Variants in CCDC186 observed in about 807,000 individuals in gnomAD.
CCDC186 encodes coiled-coil domain containing 186.
In CCDC186, 49 loss-of-function variants were observed where a neutral mutation model predicts 113.7. That is an observed-to-expected ratio of 0.43 (90% CI 0.34 to 0.55). The LOEUF (loss-of-function observed/expected upper bound fraction) is 0.55. Ranked by LOEUF, CCDC186 falls within the 20% of genes least tolerant of loss-of-function variation. The pLI is 0.02. For missense variants in CCDC186, 890 were observed against 1,011.1 expected, an observed-to-expected ratio of 0.88 and a Z score of 1.62; for synonymous variants, 355 against 345.8, an observed-to-expected ratio of 1.03 and a Z score of -0.30.
intron 3 of CCDC186, among the ~76,000 whole-genome samples, chr10:114,152,052 C>T (rs947906639): frequency 2.6e-5 from 4 of 152,084 alleles, no homozygotes; most frequent in African/African-American, 7.2e-5. Flanking sequence ...TTTGTTAAGA[C>T]GGGAAAGGAG....
intron 4 of CCDC186, among the ~76,000 whole-genome samples, chr10:114,148,626 T>C (rs1040820743): frequency 1.3e-5 from 2 of 152,218 alleles, no homozygotes; most frequent in Non-Finnish European, 2.9e-5. Flanking sequence ...TAATATATAG[T>C]TGAGCTCACA....
chr10:114,130,072 A>G (rs1227922682), intron 12 of CCDC186, 101 bp from the exon 13 acceptor site: 1 of 1,003,494 alleles, frequency 1.0e-6, no homozygotes, highest in Non-Finnish European at 1.5e-6. Context: ...AATGGCATAG[A>G]CAAGAGAAAG....
Position 114,151,139 on chromosome 10 carries a change from T to G in CCDC186, c.841A>C (p.Asn281His), listed in dbSNP as rs753812416. 18 of 1,613,938 alleles carry G rather than the reference T, an allele frequency of 1.1e-5. No homozygotes were observed. The highest frequency in any genetic ancestry group is 1.5e-5 in the Non-Finnish European group (18 of 1,179,874). Reference sequence around the variant, plus strand: ...TCTTTGTGTAACTGCTGAACTGCATTTTTAGCTGTAACGTCTTGAGCTATT... The same window carrying G: ...TCTTTGTGTAACTGCTGAACTGCATGTTTAGCTGTAACGTCTTGAGCTATT... ...QLIAQDVTAK[N>H]AVQQLHKEMA... The change falls in exon 4 of 16, where the codon AAT becomes CAT. Residue 281 changes from asparagine to histidine, a missense_variant. Transcript: ENST00000369287.
At chr10:114,144,702 A>G in intron 5 of CCDC186, 86 bp from the exon 6 acceptor site, 1 of 1,205,592 alleles carries the variant, frequency 8.3e-7, no homozygotes, top group Admixed American at 2.5e-5. Flanking sequence ...TAATCAGTCC[A>G]GTAACACTAT....
intron 14 of CCDC186, 34 bp from the exon 15 acceptor site, chr10:114,126,139 T>C (rs2030893198): frequency 2.6e-6 from 4 of 1,550,904 alleles, no homozygotes; most frequent in Admixed American, 1.8e-5. Context: ...AGTTGTGTAC[T>C]TGTAGAATTA....
At chr10:114,126,839 T>C (rs1010927848) in intron 14 of CCDC186, among the ~76,000 whole-genome samples, 3 of 152,238 alleles carry the variant, frequency 2.0e-5, no homozygotes, top group African/African-American at 7.2e-5. Context: ...AAAAAAACTT[T>C]TATTTACATA....
At chr10:114,167,629 G>A (rs2032374276) in intron 1 of CCDC186, among the ~76,000 whole-genome samples, 1 of 151,718 alleles carries the variant, frequency 6.6e-6, no homozygotes, top group Non-Finnish European at 1.5e-5. Flanking sequence ...GACTAAAGGG[G>A]AAGGATGTAA....
At chr10:114,125,432 A>C (rs2030865674) in intron 15 of CCDC186, among the ~76,000 whole-genome samples, 1 of 152,204 alleles carries the variant, frequency 6.6e-6, no homozygotes, top group Non-Finnish European at 1.5e-5. Context: ...CTTTCTACTG[A>C]AGCTACAGCA....
At chr10:114,127,435 G>C (rs959777721) in intron 14 of CCDC186, 26 bp downstream of exon 14, 2 of 1,596,518 alleles carry the variant, frequency 1.3e-6, no homozygotes, top group South Asian at 1.1e-5. Context: ...TTTGAAGACC[G>C]ATCATGCTAC....
intron 3 of CCDC186, among the ~76,000 whole-genome samples, chr10:114,153,945 C>T (rs1362852707): frequency 6.6e-6 from 1 of 151,242 alleles, no homozygotes; most frequent in Non-Finnish European, 1.5e-5. Flanking sequence ...TGAAGTGGCT[C>T]ATGCCTGTAA....
chr10:114,140,659 C>T (rs978453201), intron 6 of CCDC186, among the ~76,000 whole-genome samples: 6 of 152,102 alleles, frequency 3.9e-5, no homozygotes, highest in African/African-American at 1.4e-4. Flanking sequence ...TAGTTTTCTA[C>T]TCCTATGTTT....
chr10:114,133,970 A>G (rs1434806954), intron 10 of CCDC186, among the ~76,000 whole-genome samples: 1 of 152,238 alleles, frequency 6.6e-6, no homozygotes, highest in Non-Finnish European at 1.5e-5. Flanking sequence ...AAGGTAAGAC[A>G]TAAAGGATAA....
At chr10:114,167,516 T>C (rs2032370771) in intron 1 of CCDC186, among the ~76,000 whole-genome samples, 1 of 152,070 alleles carries the variant, frequency 6.6e-6, no homozygotes, top group Non-Finnish European at 1.5e-5. Flanking sequence ...ACAATACTGA[T>C]ACAAGCCAAT....
chr10:114,121,550 T>C lies in CCDC186; in HGVS notation c.*3593A>G, dbSNP rs770248640. On this transcript the variant is annotated 3_prime_UTR_variant, in exon 16 of 16. Coordinates refer to ENST00000369287, the MANE Select transcript of CCDC186 (RefSeq NM_018017.4). ...TGGTAAAAAATCTAATGCCATCTTA[T>C]GGTCTTTGGATTTTTTATTTTTTCT... The C allele has an allele frequency of 9.2e-5, 14 of 152,230 alleles. No homozygotes were observed. Among genetic ancestry groups the C allele is most frequent in the East Asian group, 1.9e-4 (1 of 5,204 alleles). The allele number at this position is 152,230 out of a possible 1,614,324, so 9.4% of individuals were successfully genotyped here.
chr10:114,127,004 G>A (rs928190602), intron 14 of CCDC186, among the ~76,000 whole-genome samples: 3 of 152,038 alleles, frequency 2.0e-5, no homozygotes, highest in Admixed American at 2.0e-4. Context: ...CAAAATTAGA[G>A]AACTCACGCA....
chr10:114,165,929 T>A lies in CCDC186; in HGVS notation c.-61-2600A>T, dbSNP rs1209911194. On this transcript the variant is annotated intron_variant, in intron 1 of 15. Transcript: ENST00000369287. ...TCATGCCAAGCAGCTGGGAACAGCT[T>A]CAACTTTTCTTCAGAGAAAACAATG... is the stretch of plus-strand genomic sequence containing the variant. 2.5e-5 allele frequency: 25 copies of A among 984,846 alleles called. No individual in the cohort carries two copies. The East Asian group carries it at 2.3e-3, about 89-fold the overall frequency. The allele number at this position is 984,846 out of a possible 1,614,324, so 61.0% of individuals were successfully genotyped here.
At chr10:114,166,172 A>G (rs185672809) in intron 1 of CCDC186, among the ~76,000 whole-genome samples, 72 of 152,284 alleles carry the variant, frequency 4.7e-4, no homozygotes, top group African/African-American at 1.7e-3. Context: ...TTATACCCAG[A>G]TTTAAGATTC....
intron 6 of CCDC186, among the ~76,000 whole-genome samples, chr10:114,141,641 A>G (rs1181052972): frequency 6.6e-6 from 1 of 151,878 alleles, no homozygotes; most frequent in Non-Finnish European, 1.5e-5. Context: ...ACACACACAC[A>G]CACGCACGCA....
intron 1 of CCDC186, among the ~76,000 whole-genome samples, chr10:114,170,145 A>G (rs2032451347): frequency 1.3e-5 from 2 of 152,216 alleles, no homozygotes; most frequent in African/African-American, 4.8e-5. Context: ...GTTGTTTCAC[A>G]TGATGAAAAT....
Sources: allele counts gnomAD v4.1 joint callset (sites outside exome capture counted in the v4.1 genomes callset), GRCh38; gene constraint gnomAD v4.1.1; transcripts MANE v1.5; gene names NCBI Gene and HGNC (gene_info 2026-07-23, HGNC 2026-07-21).